The following CLYBL variants were observed in gnomAD, a reference collection of about 807,000 sequenced individuals.
CLYBL encodes citramalyl-CoA lyase, mitochondrial.
In CLYBL, 31 loss-of-function variants were observed where a neutral mutation model predicts 38.9. The ratio of observed to expected loss-of-function variants is 0.80; its 90% CI spans 0.60 to 1.08. CLYBL has a LOEUF of 1.08. Ranked by LOEUF, CLYBL falls within the 50% of genes least tolerant of loss-of-function variation. The pLI is 0.00. For synonymous variants in CLYBL, 171 were observed against 158.6 expected (o/e 1.08, Z -0.59); for missense variants, 434 against 411.6 (o/e 1.05, Z -0.47).
At chr13:99,770,213 A>G (rs532860838) in intron 1 of CLYBL, among the ~76,000 whole-genome samples, 1 of 150,364 alleles carries the variant, frequency 6.7e-6, no homozygotes, top group Non-Finnish European at 1.5e-5. Context: ...TCAGCCGCCC[A>G]AGTAGCTGGA....
rs547996793 is a variant in CLYBL at position 99,636,220 on chromosome 13, C to CT, written c.62+29464dup. On this transcript the variant is annotated intron_variant, in intron 1 of 8. Transcript: ENST00000339105. ...TTTATCTCCCCAAGCAAAATGCCAC[C>CT]TGCACCTTTACAAACACTTTACCGC... Among the ~76,000 whole-genome samples, 11 of 152,320 alleles carry CT rather than the reference C, an allele frequency of 7.2e-5. 1 individual carries two copies. Among genetic ancestry groups the CT allele is most frequent in the South Asian group, 6.2e-4 (3 of 4,832 alleles).
intron 1 of CLYBL, among the ~76,000 whole-genome samples, chr13:99,719,699 G>C (rs183938551): frequency 1.3e-5 from 2 of 148,926 alleles, no homozygotes; most frequent in East Asian, 4.1e-4. Context: ...GTAGAGATGG[G>C]GTTTCACTAC....
rs953796273 is a variant in CLYBL at position 99,606,704 on chromosome 13, A to G, written c.9A>G (p.Leu3=). The change falls in exon 1 of 9, where the codon CTA becomes CTG. Residue 3 remains leucine, a synonymous_variant. Coordinates refer to ENST00000339105, the MANE Select transcript of CLYBL (RefSeq NM_206808.5). MA[L]RLLRRAARGA... ...GCGCGCGCGTCGGGAAGATGGCGCT[A>G]CGTCTGCTGCGGAGGGCGGCGCGCG... The G allele has an allele frequency of 6.2e-5, 93 of 1,493,180 alleles. No individual in the cohort carries two copies. The highest frequency in any genetic ancestry group is 7.9e-5 in the Non-Finnish European group (89 of 1,128,006). The allele number at this position is 1,493,180 out of a possible 1,614,324, so 92.5% of individuals were successfully genotyped here.
At chr13:99,718,013 T>A (rs1340124000) in intron 1 of CLYBL, among the ~76,000 whole-genome samples, 2 of 152,078 alleles carry the variant, frequency 1.3e-5, no homozygotes, top group Non-Finnish European at 2.9e-5. Context: ...TTTTTAGCAT[T>A]CTCTTACTGT....
At chr13:99,757,522 C>G (rs1047228509) in intron 1 of CLYBL, among the ~76,000 whole-genome samples, 2 of 152,196 alleles carry the variant, frequency 1.3e-5, no homozygotes, top group Non-Finnish European at 2.9e-5. Context: ...GTGGCATGAT[C>G]TCGGCTCACT....
chr13:99,740,712 A>G (rs2048740393), intron 1 of CLYBL, among the ~76,000 whole-genome samples: 1 of 152,196 alleles, frequency 6.6e-6, no homozygotes, highest in African/African-American at 2.4e-5. Flanking sequence ...GACTCTTCCC[A>G]GAGGCTTTGG....
At chr13:99,901,637 A>ATTTTTTTTTTTTTTTTTTT (rs1413984777), downstream of CLYBL, among the ~76,000 whole-genome samples, 1 of 65,440 alleles carries the variant, frequency 1.5e-5, no homozygotes. Flanking sequence ...GGTTTTTTGG[A>ATTTTTTTTTTTTTTTTTTT]TTTTTTTGTT....
At chr13:99,838,055 A>T (rs1326694192) in intron 2 of CLYBL, among the ~76,000 whole-genome samples, 2 of 152,220 alleles carry the variant, frequency 1.3e-5, no homozygotes, top group Non-Finnish European at 2.9e-5. Flanking sequence ...AATACAGTTT[A>T]AAAATGATAG....
At position 99,871,082 on chromosome 13, in the gene CLYBL, C is replaced by T. The variant is rs2051881000; in HGVS notation, c.927+20C>T. ...GGAAAGGTAAATGTTTTGTTAATGC[C>T]TTGGGTGAGAGCAGTATTGAAAATA... On this transcript the variant is annotated intron_variant, in intron 7 of 8. Transcript: ENST00000339105. 1.9e-6 allele frequency: 3 copies of T among 1,612,352 alleles called. No homozygotes were observed. Among genetic ancestry groups the T allele is most frequent in the African/African-American group, 2.7e-5 (2 of 74,796 alleles).
At chr13:99,725,250 A>G (rs961782094) in intron 1 of CLYBL, among the ~76,000 whole-genome samples, 4 of 152,214 alleles carry the variant, frequency 2.6e-5, no homozygotes, top group Non-Finnish European at 5.9e-5. Context: ...AGAAGAGAAG[A>G]CCGAACAGTA....
intron 1 of CLYBL, among the ~76,000 whole-genome samples, chr13:99,742,808 C>T (rs2048779207): frequency 1.3e-5 from 2 of 152,190 alleles, no homozygotes; most frequent in South Asian, 4.1e-4. Context: ...TATTATTACA[C>T]ATTTCTTTCT....
chr13:99,627,432 G>A (rs2046885935), intron 1 of CLYBL, among the ~76,000 whole-genome samples: 1 of 152,108 alleles, frequency 6.6e-6, no homozygotes, highest in South Asian at 2.1e-4. Flanking sequence ...TTGGCAGCTG[G>A]TTTAGTTTTC....
chr13:99,681,365 T>A (rs776980793), intron 1 of CLYBL, among the ~76,000 whole-genome samples: 6 of 152,096 alleles, frequency 3.9e-5, no homozygotes, highest in Non-Finnish European at 7.4e-5. Flanking sequence ...TTACAGATGG[T>A]TCACGGAAAA....
intron 1 of CLYBL, among the ~76,000 whole-genome samples, chr13:99,708,221 T>C (rs1274095044): frequency 6.6e-6 from 1 of 152,190 alleles, no homozygotes; most frequent in Non-Finnish European, 1.5e-5. Context: ...CCTCAGGTGA[T>C]CCACCCGCCT....
intron 1 of CLYBL, among the ~76,000 whole-genome samples, chr13:99,637,962 C>CTTTTTTTTTTTTTTT (rs34513643): frequency 1.1e-4 from 10 of 95,000 alleles, no homozygotes; most frequent in East Asian, 8.5e-4. Context: ...TCAACAGTGC[C>CTTTTTTTTTTTTTTT]TTTTTTTTTT....
chr13:99,899,821 G>C (rs2052621066), downstream of CLYBL, among the ~76,000 whole-genome samples: 1 of 152,216 alleles, frequency 6.6e-6, no homozygotes, highest in Non-Finnish European at 1.5e-5. Flanking sequence ...CTTCCACCCA[G>C]GGGCCAAACC....
chr13:99,743,966 CTTTTTTTTTTTTTT>C (rs1162079530), intron 1 of CLYBL, among the ~76,000 whole-genome samples: 11 of 69,182 alleles, frequency 1.6e-4, no homozygotes, highest in Non-Finnish European at 2.6e-5. Flanking sequence ...TCTCTTCTTT[CTTTTTTTTTTTTTT>C]TTTTTTTTTT....
At chr13:99,828,699 A>G (rs968480773) in intron 2 of CLYBL, among the ~76,000 whole-genome samples, 3 of 152,210 alleles carry the variant, frequency 2.0e-5, no homozygotes, top group Non-Finnish European at 2.9e-5. Context: ...GGGTAAGCTT[A>G]TGTTGGAAAA....
At chr13:99,765,903 G>A (rs986144587) in intron 1 of CLYBL, among the ~76,000 whole-genome samples, 50 of 146,958 alleles carry the variant, frequency 3.4e-4, no homozygotes, top group African/African-American at 1.2e-3. Context: ...CTGGGCTAGA[G>A]TGCAGTGGTG....
Sources: allele counts gnomAD v4.1 joint callset (sites outside exome capture counted in the v4.1 genomes callset), GRCh38; gene constraint gnomAD v4.1.1; transcripts MANE v1.5; gene names NCBI Gene and HGNC (gene_info 2026-07-23, HGNC 2026-07-21).